SCHIP1: variants seen among roughly 807,000 people sequenced by gnomAD.
The protein encoded by SCHIP1 is schwannomin-interacting protein 1.
SCHIP1 carries 8 observed loss-of-function variants against 29.7 expected under a neutral mutation model. The observed-to-expected ratio is 0.27, with a 90% CI of 0.16 to 0.49. SCHIP1 has a LOEUF of 0.49. Among genes scored for constraint, SCHIP1 ranks in the 20% least tolerant of loss-of-function variants. The probability of loss-of-function intolerance (pLI) is 0.99; values close to 1 mark genes in which losing one functional copy is unlikely to be tolerated. For synonymous variants in SCHIP1, 76 were observed against 94.9 expected, an observed-to-expected ratio of 0.80 and a Z score of 1.16; for missense variants, 193 against 294.6, an observed-to-expected ratio of 0.66 and a Z score of 2.52.
the SCHIP1 span, among the ~76,000 whole-genome samples, chr3:159,402,926 T>TATA: frequency 5.1e-3 from 771 of 151,410 alleles, 5 homozygotes; most frequent in African/African-American, 0.016. Context: ...AAACTTAAAG[T>TATA]ATAATAATAA....
chr3:159,330,537 A>T, the SCHIP1 span, among the ~76,000 whole-genome samples: 111 of 152,332 alleles, frequency 7.3e-4, 1 homozygote, highest in African/African-American at 2.6e-3. Context: ...GTAGATTTAT[A>T]GTATTGCGAT....
the SCHIP1 span, among the ~76,000 whole-genome samples, chr3:159,779,077 T>C: frequency 6.6e-6 from 1 of 152,190 alleles, no homozygotes; most frequent in East Asian, 1.9e-4. Context: ...TCTGGTGGAA[T>C]TGTGAAGGCT....
chr3:159,713,249 A>G, the SCHIP1 span, among the ~76,000 whole-genome samples: 637 of 143,790 alleles, frequency 4.4e-3, 4 homozygotes, highest in African/African-American at 0.015. Flanking sequence ...AGAAAGAAAG[A>G]AAGAAAGAAA....
At chr3:159,275,694 G>GACAAACA in the SCHIP1 span, among the ~76,000 whole-genome samples, 1 of 152,090 alleles carries the variant, frequency 6.6e-6, no homozygotes, top group Non-Finnish European at 1.5e-5. Context: ...AGCAGAAATT[G>GACAAACA]TTGCTGTATG....
At chr3:159,882,629 C>T (rs1036606604) in intron 2 of SCHIP1, among the ~76,000 whole-genome samples, 5 of 152,200 alleles carry the variant, frequency 3.3e-5, no homozygotes, top group African/African-American at 1.2e-4. Flanking sequence ...ATAAACTGCT[C>T]TTGTCCCTGT....
At chr3:159,273,600 G>A in the SCHIP1 span, 6 of 1,286,998 alleles carry the variant, frequency 4.7e-6, no homozygotes, top group South Asian at 4.8e-5. Flanking sequence ...GCTCTTTTTT[G>A]CCAATACTTG....
chr3:159,505,618 TG>T, the SCHIP1 span, among the ~76,000 whole-genome samples: 1 of 147,626 alleles, frequency 6.8e-6, no homozygotes, highest in Non-Finnish European at 1.5e-5. Context: ...GCTATCCCCC[TG>T]GCCCCACCCA....
the SCHIP1 span, among the ~76,000 whole-genome samples, chr3:159,833,063 C>T: frequency 1.9e-4 from 29 of 152,274 alleles, no homozygotes; most frequent in South Asian, 4.4e-3. Context: ...TTCAGGCATC[C>T]GCTAGGGGTC....
chr3:159,379,316 G>T, the SCHIP1 span, among the ~76,000 whole-genome samples: 1 of 151,856 alleles, frequency 6.6e-6, no homozygotes, highest in Non-Finnish European at 1.5e-5. Context: ...CCACCTTCCA[G>T]GTTCAAGCGA....
At chr3:159,362,247 A>G in the SCHIP1 span, among the ~76,000 whole-genome samples, 2 of 152,184 alleles carry the variant, frequency 1.3e-5, no homozygotes, top group Non-Finnish European at 2.9e-5. Context: ...ACTCTGTCAA[A>G]TGGTGAATGT....
intron 1 of SCHIP1, among the ~76,000 whole-genome samples, chr3:159,855,367 A>G (rs973506533): frequency 2.6e-5 from 4 of 152,204 alleles, no homozygotes; most frequent in African/African-American, 9.6e-5. Flanking sequence ...TACCTAGTAT[A>G]AAAATAACTT....
At chr3:159,872,394 T>G (rs994706709) in intron 2 of SCHIP1, among the ~76,000 whole-genome samples, 10 of 152,026 alleles carry the variant, frequency 6.6e-5, no homozygotes, top group Non-Finnish European at 5.9e-5. Context: ...ATTGCCCCTT[T>G]CCATGCCTGC....
chr3:159,554,117 G>A, the SCHIP1 span, among the ~76,000 whole-genome samples: 1 of 151,526 alleles, frequency 6.6e-6, no homozygotes, highest in Non-Finnish European at 1.5e-5. Flanking sequence ...TGATCCGCCC[G>A]CCTTGGCTTC....
At chr3:159,681,463 C>T in the SCHIP1 span, among the ~76,000 whole-genome samples, 1 of 152,266 alleles carries the variant, frequency 6.6e-6, no homozygotes, top group Non-Finnish European at 1.5e-5. Context: ...ACATATTTCC[C>T]TCCAGTTCCT....
the SCHIP1 span, among the ~76,000 whole-genome samples, chr3:159,468,982 G>T: frequency 1.7e-4 from 26 of 151,692 alleles, no homozygotes; most frequent in African/African-American, 6.0e-4. Context: ...TAGCCCGGAT[G>T]GTCTCGCTCT....
At chr3:159,586,883 A>G in the SCHIP1 span, among the ~76,000 whole-genome samples, 2 of 152,194 alleles carry the variant, frequency 1.3e-5, no homozygotes, top group African/African-American at 4.8e-5. Context: ...TAAAGGTTCC[A>G]TGGCAATTAG....
At chr3:159,643,044 G>A in the SCHIP1 span, among the ~76,000 whole-genome samples, 1 of 152,050 alleles carries the variant, frequency 6.6e-6, no homozygotes, top group African/African-American at 2.4e-5. Flanking sequence ...GGTGAGGAAA[G>A]GGCTACTGGT....
the SCHIP1 span, among the ~76,000 whole-genome samples, chr3:159,524,078 T>C: frequency 1.8e-4 from 27 of 152,208 alleles, no homozygotes; most frequent in Non-Finnish European, 3.8e-4. Context: ...GGTCTCAGTG[T>C]GCACCTGCAT....
chr3:159,760,935 G>A, the SCHIP1 span, among the ~76,000 whole-genome samples: 7 of 152,210 alleles, frequency 4.6e-5, no homozygotes, highest in African/African-American at 1.7e-4. Context: ...CAGTGCATAA[G>A]ATAAATGCAG....
Sources: allele counts gnomAD v4.1 joint callset (sites outside exome capture counted in the v4.1 genomes callset), GRCh38; gene constraint gnomAD v4.1.1; transcripts MANE v1.5; gene names NCBI Gene and HGNC (gene_info 2026-07-23, HGNC 2026-07-21).